GRB14: variants seen among roughly 807,000 people sequenced by gnomAD.
The protein encoded by GRB14 is growth factor receptor bound protein 14, also known as growth factor receptor-bound protein 14.
In GRB14, 38 loss-of-function variants were observed where a neutral mutation model predicts 69.1. The observed-to-expected ratio is 0.55, with a 90% CI of 0.42 to 0.72. GRB14 has a LOEUF of 0.72. Ranked by LOEUF, GRB14 falls within the 30% of genes least tolerant of loss-of-function variation. The pLI is 0.00. For missense variants in GRB14, 666 were observed against 666.1 expected (o/e 1.00, Z 0.00); for synonymous variants, 247 against 241.3 (o/e 1.02, Z -0.22).
intron 3 of GRB14, among the ~76,000 whole-genome samples, chr2:164,529,290 G>A (rs1300153494): frequency 1.3e-5 from 2 of 152,134 alleles, no homozygotes; most frequent in Non-Finnish European, 2.9e-5. Flanking sequence ...TTTAATTGAT[G>A]CAGAGTTTCA....
Position 164,493,046 on chromosome 2 carries a change from A to C in GRB14, c.1613T>G (p.Ile538Ser), listed in dbSNP as rs1294816647. 6.2e-7 allele frequency: 1 copy of C among 1,613,274 alleles called. No individual in the cohort carries two copies. Among genetic ancestry groups the C allele is most frequent in the Non-Finnish European group, 8.5e-7 (1 of 1,179,522 alleles). Residue 538 changes from isoleucine (I) to serine (S), a missense_variant, in exon 14 of 14, where the codon ATT (isoleucine) becomes AGT (serine). By Grantham distance (142) the Ile-to-Ser change is moderately radical. Coordinates refer to ENST00000263915, the MANE Select transcript of GRB14 (RefSeq NM_004490.3). ...TCACTTCTGGCTTGTCTAGAGAGCA[A>C]TCCTAGCACAATAATGTTTCAACTT... ...PCKLKHYCAR[I>S]AL
chr2:164,615,680 C>A (rs1440258405), intron 2 of GRB14, among the ~76,000 whole-genome samples: 1 of 152,170 alleles, frequency 6.6e-6, no homozygotes, highest in Non-Finnish European at 1.5e-5. Flanking sequence ...CCAACTCAAA[C>A]ATTTCATGAC....
chr2:164,584,427 C>A (rs1012924984), intron 2 of GRB14, among the ~76,000 whole-genome samples: 2 of 151,808 alleles, frequency 1.3e-5, no homozygotes, highest in African/African-American at 4.8e-5. Flanking sequence ...TTCCTATCTG[C>A]AAAATGAGGT....
chr2:164,619,058 A>G (rs983568521), intron 2 of GRB14, among the ~76,000 whole-genome samples: 1 of 152,160 alleles, frequency 6.6e-6, no homozygotes, highest in African/African-American at 2.4e-5. Context: ...CTTAAAATCT[A>G]ATTTGCTTAA....
intron 2 of GRB14, 43 bp from the exon 3 acceptor site, chr2:164,547,859 T>C (rs1457413825): frequency 1.4e-6 from 2 of 1,429,218 alleles, no homozygotes; most frequent in Non-Finnish European, 1.9e-6. Flanking sequence ...ATATTCCTGT[T>C]TGTGTTTTTA....
At chr2:164,494,243 T>A (rs370297101) in intron 13 of GRB14, among the ~76,000 whole-genome samples, 188 bp downstream of exon 13, 1 of 152,180 alleles carries the variant, frequency 6.6e-6, no homozygotes, top group South Asian at 2.1e-4. Context: ...CTGTATTTCT[T>A]ATATTAATTC....
chr2:164,509,337 G>T, intron 6 of GRB14, among the ~76,000 whole-genome samples: 1 of 152,290 alleles, frequency 6.6e-6, no homozygotes, highest in South Asian at 2.1e-4. Flanking sequence ...TTTGTGTACA[G>T]TGGAACACAC....
At chr2:164,567,648 T>C (rs1342487134) in intron 2 of GRB14, among the ~76,000 whole-genome samples, 2 of 152,190 alleles carry the variant, frequency 1.3e-5, no homozygotes, top group Non-Finnish European at 2.9e-5. Flanking sequence ...TGGTTGCATA[T>C]ACCACCTTGT....
At chr2:164,588,074 T>A (rs1265398786) in intron 2 of GRB14, among the ~76,000 whole-genome samples, 2 of 152,232 alleles carry the variant, frequency 1.3e-5, no homozygotes, top group African/African-American at 4.8e-5. Context: ...CTAAATGAGA[T>A]AATCAACTTC....
At chr2:164,540,743 C>T (rs1207401405) in intron 3 of GRB14, among the ~76,000 whole-genome samples, 1 of 152,196 alleles carries the variant, frequency 6.6e-6, no homozygotes, top group Non-Finnish European at 1.5e-5. Context: ...TTTCCTGTCT[C>T]TCTCCCAGTG....
intron 9 of GRB14, among the ~76,000 whole-genome samples, chr2:164,500,134 AACCCTCCGTCCCCTC>A (rs936996994): frequency 2.8e-4 from 42 of 152,188 alleles, no homozygotes; most frequent in Non-Finnish European, 5.4e-4. Context: ...CGCCTTCCCC[AACCCTCCGTCCCCTC>A]ACTCCAGCCA....
intron 2 of GRB14, among the ~76,000 whole-genome samples, chr2:164,600,889 A>G (rs1272452832): frequency 6.6e-6 from 1 of 152,184 alleles, no homozygotes; most frequent in Admixed American, 6.5e-5. Context: ...AATGATGAGT[A>G]TTTGGCTTGC....
intron 2 of GRB14, among the ~76,000 whole-genome samples, chr2:164,617,508 T>C (rs1690326181): frequency 6.6e-6 from 1 of 152,164 alleles, no homozygotes; most frequent in South Asian, 2.1e-4. Flanking sequence ...CTGATGACTA[T>C]CCACACTTAG....
Position 164,497,512 on chromosome 2 carries a change from G to C in GRB14, c.1105-22C>G, listed in dbSNP as rs759446590. ...TTCTCTGGAAAAAAGAAACACATTTGAGTTATGAAAATTTCTTTGAAAGTT... is the reference window on the plus strand; with the variant it reads ...TTCTCTGGAAAAAAGAAACACATTTCAGTTATGAAAATTTCTTTGAAAGTT... On this transcript the variant is annotated intron_variant, in intron 9 of 13. Transcript: ENST00000263915. 5.0e-6 allele frequency: 7 copies of C among 1,398,532 alleles called. No individual in the cohort carries two copies. In the South Asian group the frequency reaches 8.6e-5, roughly 17 times the overall value. 86.6% of individuals were successfully genotyped at this position (1,398,532 alleles called of 1,614,324 possible).
intron 2 of GRB14, among the ~76,000 whole-genome samples, chr2:164,557,864 G>A (rs576929755): frequency 1.1e-4 from 17 of 152,256 alleles, no homozygotes; most frequent in Admixed American, 3.3e-4. Context: ...TGTTCCTGGG[G>A]ATCCACAGAG....
chr2:164,537,344 G>A (rs1688105255), intron 3 of GRB14, among the ~76,000 whole-genome samples: 1 of 152,162 alleles, frequency 6.6e-6, no homozygotes, highest in South Asian at 2.1e-4. Flanking sequence ...AGTTAGCCAA[G>A]TAAAGATGGA....
At chr2:164,608,725 A>G (rs962355451) in intron 2 of GRB14, among the ~76,000 whole-genome samples, 12 of 152,296 alleles carry the variant, frequency 7.9e-5, no homozygotes, top group Non-Finnish European at 1.3e-4. Flanking sequence ...GCTTTTGGAT[A>G]TAACTAAATA....
At chr2:164,524,549 C>T (rs1173992690) in intron 5 of GRB14, among the ~76,000 whole-genome samples, 7 of 152,066 alleles carry the variant, frequency 4.6e-5, no homozygotes, top group Non-Finnish European at 8.8e-5. Flanking sequence ...CTAGTGAATA[C>T]ATTTGCATCC....
chr2:164,580,312 C>T (rs973866948), intron 2 of GRB14, among the ~76,000 whole-genome samples: 6 of 151,334 alleles, frequency 4.0e-5, no homozygotes, highest in Admixed American at 2.6e-4. Context: ...AGGCTGGTCT[C>T]GAACTCCTGA....
Sources: allele counts gnomAD v4.1 joint callset (sites outside exome capture counted in the v4.1 genomes callset), GRCh38; gene constraint gnomAD v4.1.1; transcripts MANE v1.5; gene names NCBI Gene and HGNC (gene_info 2026-07-23, HGNC 2026-07-21).